Variants in AQP9 observed in about 807,000 individuals in gnomAD.
AQP9 encodes the protein aquaporin 9.
AQP9 carries 19 observed loss-of-function variants against 23.8 expected under a neutral mutation model. That is an observed-to-expected ratio of 0.80 (90% confidence interval 0.56 to 1.17). AQP9 has a LOEUF of 1.17. Among genes scored for constraint, AQP9 ranks in the 50% most tolerant of loss-of-function variants. The pLI is 0.00. For synonymous variants in AQP9, 153 were observed against 131.5 expected (o/e 1.16, Z -1.12); for missense variants, 413 against 362.0 (o/e 1.14, Z -1.14).
At chr15:58,181,885 G>T (rs1156266582) in intron 5 of AQP9, among the ~76,000 whole-genome samples, 1 of 152,056 alleles carries the variant, frequency 6.6e-6, no homozygotes, top group Non-Finnish European at 1.5e-5. Context: ...AACCTTTGAG[G>T]GACAACAGGC....
At chr15:58,148,614 T>C (rs1327015769) in intron 1 of AQP9, among the ~76,000 whole-genome samples, 4 of 152,216 alleles carry the variant, frequency 2.6e-5, no homozygotes, top group East Asian at 1.9e-4. Context: ...GTTATCCTGA[T>C]GCAAACACAA....
At chr15:58,181,558 C>A (rs1836634819) in intron 5 of AQP9, among the ~76,000 whole-genome samples, 1 of 152,038 alleles carries the variant, frequency 6.6e-6, no homozygotes, top group Admixed American at 6.6e-5. Flanking sequence ...TTCAAAGACA[C>A]AATGTTAAAA....
chr15:58,168,825 CT>C (rs1470055401), intron 2 of AQP9, among the ~76,000 whole-genome samples: 1 of 152,238 alleles, frequency 6.6e-6, no homozygotes, highest in East Asian at 1.9e-4. Flanking sequence ...ACTGCTCCCC[CT>C]ATAAGCTCCC....
intron 1 of AQP9, among the ~76,000 whole-genome samples, chr15:58,143,214 G>T (rs568581404): frequency 6.6e-6 from 1 of 152,142 alleles, no homozygotes; most frequent in East Asian, 1.9e-4. Context: ...CTTTAAGAAC[G>T]TCTGAGGTTC....
At chr15:58,159,878 A>T (rs1898338128) in intron 1 of AQP9, among the ~76,000 whole-genome samples, 1 of 152,182 alleles carries the variant, frequency 6.6e-6, no homozygotes, top group Admixed American at 6.6e-5. Flanking sequence ...TTGCGTATAT[A>T]TGCCACATTT....
In AQP9 at chr15:58,174,299, G is replaced by GA. The variant is rs67680373; in HGVS notation, c.377-608dup. Reference sequence around the variant, plus strand: ...CCCTGTCTCCAAAGAAGAAAAAAAAGAAAAAAAAAAAGGAAAAGAAATAGG... The same window carrying GA: ...CCCTGTCTCCAAAGAAGAAAAAAAAGAAAAAAAAAAAAGGAAAAGAAATAGG... On this transcript the variant is annotated intron_variant, in intron 3 of 5. Transcript: ENST00000219919. Among the ~76,000 whole-genome samples, 118 of 143,074 alleles carry GA rather than the reference G, an allele frequency of 8.2e-4. No individual in the cohort carries two copies. The East Asian group carries it at 0.012, about 15-fold the overall frequency. The allele number at this position is 143,074 out of a possible 152,430, so 93.9% of individuals were successfully genotyped here.
chr15:58,178,118 C>T (rs552658612), intron 4 of AQP9, among the ~76,000 whole-genome samples: 1 of 152,158 alleles, frequency 6.6e-6, no homozygotes, highest in South Asian at 2.1e-4. Flanking sequence ...AGGTTATATA[C>T]AAATAATACA....
intron 5 of AQP9, among the ~76,000 whole-genome samples, chr15:58,180,176 C>A (rs1464691572): frequency 2.6e-5 from 4 of 152,196 alleles, no homozygotes; most frequent in African/African-American, 9.6e-5. Context: ...CTCATCCACC[C>A]ATGGCAACTT....
chr15:58,161,423 G>T (rs113245939), intron 1 of AQP9, among the ~76,000 whole-genome samples: 1 of 151,946 alleles, frequency 6.6e-6, no homozygotes, highest in African/African-American at 2.4e-5. Context: ...CTATTTTCTA[G>T]CATTGCTTTC....
intron 2 of AQP9, among the ~76,000 whole-genome samples, chr15:58,170,457 T>C (rs1230530841): frequency 2.0e-5 from 3 of 151,706 alleles, no homozygotes; most frequent in Non-Finnish European, 4.4e-5. Flanking sequence ...CAGGCTGGAG[T>C]GCAGTGGCAT....
rs543155033 is a variant in AQP9, at chr15:58,176,682, C to T, written c.495+1646C>T. 8.0e-5 allele frequency among the ~76,000 whole-genome samples: 12 copies of T among 149,956 alleles called. No individual in the cohort carries two copies. The East Asian group carries it at 2.4e-3, about 30-fold the overall frequency. Reference sequence around the variant, plus strand: ...CTGGAGTGCAGTGGCGTGATCTCAGCTCACTGCAACCTCCACCTCCCAGGT... The same window carrying T: ...CTGGAGTGCAGTGGCGTGATCTCAGTTCACTGCAACCTCCACCTCCCAGGT... On this transcript the variant is annotated intron_variant, in intron 4 of 5. Transcript: ENST00000219919.
At chr15:58,141,086 G>A (rs1482015788) in intron 1 of AQP9, among the ~76,000 whole-genome samples, 2 of 152,124 alleles carry the variant, frequency 1.3e-5, no homozygotes, top group African/African-American at 4.8e-5. Flanking sequence ...TTAGTCATTG[G>A]GATACGTAGG....
At chr15:58,148,563 C>T (rs1336569054) in intron 1 of AQP9, among the ~76,000 whole-genome samples, 1 of 152,156 alleles carries the variant, frequency 6.6e-6, no homozygotes, top group Non-Finnish European at 1.5e-5. Context: ...GAGAACTGTC[C>T]TCAGCAACCC....
At chr15:58,161,096 G>A (rs536418734) in intron 1 of AQP9, among the ~76,000 whole-genome samples, 1 of 152,254 alleles carries the variant, frequency 6.6e-6, no homozygotes, top group East Asian at 1.9e-4. Flanking sequence ...GGGAGGTGGT[G>A]TGTGGTGCTT....
chr15:58,170,033 G>A (rs962100736), intron 2 of AQP9, among the ~76,000 whole-genome samples: 1 of 152,104 alleles, frequency 6.6e-6, no homozygotes, highest in African/African-American at 2.4e-5. Flanking sequence ...AGCTGTGCCC[G>A]CGGGCCCTTT....
intron 1 of AQP9, among the ~76,000 whole-genome samples, chr15:58,149,254 G>C (rs1445291954): frequency 6.8e-6 from 1 of 147,896 alleles, no homozygotes; most frequent in Non-Finnish European, 1.5e-5. Flanking sequence ...TAGCAATATA[G>C]GTCTTGTATC....
chr15:58,166,733 A>T lies in AQP9; in HGVS notation c.172A>T (p.Ile58Phe). The T allele has an allele frequency of 3.1e-6, 5 of 1,614,026 alleles. No homozygotes were observed. The highest frequency in any genetic ancestry group is 4.2e-6 in the Non-Finnish European group (5 of 1,179,898). The stretch of plus-strand genomic sequence containing the variant: ...CAGTCGAGGACGTTTTGGAGGGGTC[A>T]TCACTATCAATGTTGGATTTTCAAT... ...ILSRGRFGGVITINVGFSMAV... is the reference protein window; with the variant it reads ...ILSRGRFGGVFTINVGFSMAV... Residue 58 changes from isoleucine to phenylalanine, a missense_variant, in exon 2 of 6, where the codon ATC (isoleucine) becomes TTC (phenylalanine). Physicochemically the swap from Ile to Phe is conservative, Grantham distance 21 (BLOSUM62 0). Transcript: ENST00000219919.
At chr15:58,181,328 T>A (rs1354192344) in intron 5 of AQP9, among the ~76,000 whole-genome samples, 1 of 152,222 alleles carries the variant, frequency 6.6e-6, no homozygotes, top group Non-Finnish European at 1.5e-5. Flanking sequence ...TGTCCTTCAC[T>A]GTTGTGTTTA....
intron 1 of AQP9, among the ~76,000 whole-genome samples, chr15:58,149,881 T>C (rs1276589084): frequency 1.3e-5 from 2 of 152,208 alleles, no homozygotes; most frequent in South Asian, 2.1e-4. Flanking sequence ...GGAAACACTA[T>C]GGCCACCACC....
Sources: gnomAD v4.1 joint callset for allele counts (sites outside exome capture counted in the v4.1 genomes callset) on GRCh38, gnomAD v4.1.1 for gene constraint, MANE v1.5 for transcripts, NCBI Gene and HGNC (gene_info 2026-07-23, HGNC 2026-07-21) for gene names.